The following NMNAT3 variants were observed in gnomAD, a reference collection of about 807,000 sequenced individuals.
NMNAT3 encodes the protein nicotinamide nucleotide adenylyltransferase 3.
In NMNAT3, 21 loss-of-function variants were observed where a neutral mutation model predicts 24.8. The ratio of observed to expected loss-of-function variants is 0.85; its 90% CI spans 0.60 to 1.22. The LOEUF is 1.22. NMNAT3 is among the 50% of genes most tolerant of loss of function. NMNAT3 has a pLI of 0.00. For synonymous variants in NMNAT3, 136 were observed against 155.2 expected, an observed-to-expected ratio of 0.88 and a Z score of 0.92; for missense variants, 387 against 436.6, an observed-to-expected ratio of 0.89 and a Z score of 1.01.
intron 3 of NMNAT3, among the ~76,000 whole-genome samples, chr3:139,615,077 A>C (rs1466449967): frequency 2.0e-5 from 3 of 152,130 alleles, no homozygotes; most frequent in African/African-American, 7.2e-5. Flanking sequence ...ATGAGTTATA[A>C]TCCCTTATTA....
chr3:139,670,176 G>A (rs1383954449), intron 1 of NMNAT3, among the ~76,000 whole-genome samples: 2 of 152,140 alleles, frequency 1.3e-5, no homozygotes, highest in South Asian at 2.1e-4. Flanking sequence ...AGTTTAGTAC[G>A]CTGATAATGT....
intron 1 of NMNAT3, among the ~76,000 whole-genome samples, chr3:139,663,944 C>T (rs917675647): frequency 4.6e-5 from 7 of 152,204 alleles, no homozygotes; most frequent in Non-Finnish European, 8.8e-5. Context: ...GCACACCACA[C>T]AAATCTGAAG....
At chr3:139,592,623 A>C (rs1435037764) in intron 3 of NMNAT3, among the ~76,000 whole-genome samples, 1 of 152,140 alleles carries the variant, frequency 6.6e-6, no homozygotes, top group African/African-American at 2.4e-5. Flanking sequence ...CAGATCTCTC[A>C]GCAGAAACTC....
chr3:139,597,203 T>G (rs2108204071), intron 3 of NMNAT3, among the ~76,000 whole-genome samples: 1 of 152,054 alleles, frequency 6.6e-6, no homozygotes, highest in African/African-American at 2.4e-5. Context: ...TGAGTAGGCA[T>G]TCTTTTCTAT....
intron 3 of NMNAT3, among the ~76,000 whole-genome samples, chr3:139,593,960 T>A (rs1367004543): frequency 6.8e-6 from 1 of 148,098 alleles, no homozygotes; most frequent in East Asian, 2.0e-4. Context: ...ATAACTAAAA[T>A]CAGAGCAGAA....
chr3:139,570,016 A>T (rs886929903), intron 6 of NMNAT3: 3 of 152,124 alleles, frequency 2.0e-5, no homozygotes, highest in Non-Finnish European at 4.4e-5. Flanking sequence ...ATATAGTCCC[A>T]TATTTCTTGG....
chr3:139,605,572 T>A lies in NMNAT3; in HGVS notation c.109+22044A>T, dbSNP rs1576628369. On this transcript the variant is annotated intron_variant, in intron 3 of 6. Coordinates refer to ENST00000643695, the MANE Select transcript of NMNAT3 (RefSeq NM_001320510.2). ...CTTAAGTGCCCAGAATGTGCCAGGC[T>A]CTGTGCTGTTTACAGGGTTTATATT... is the stretch of plus-strand genomic sequence containing the variant. Among the ~76,000 whole-genome samples the A allele has an allele frequency of 2.6e-5, 4 of 152,314 alleles. No homozygotes were observed. The South Asian group carries it at 8.3e-4, about 32-fold the overall frequency.
chr3:139,670,902 C>T (rs1250766435), intron 1 of NMNAT3, among the ~76,000 whole-genome samples: 1 of 152,176 alleles, frequency 6.6e-6, no homozygotes, highest in Non-Finnish European at 1.5e-5. Flanking sequence ...GAATTCAAGT[C>T]TACAGGGACA....
At chr3:139,660,134 C>T (rs1345883924) in intron 1 of NMNAT3, among the ~76,000 whole-genome samples, 1 of 152,176 alleles carries the variant, frequency 6.6e-6, no homozygotes, top group Non-Finnish European at 1.5e-5. Flanking sequence ...CTGCCTGGTC[C>T]AGCTCCTGGG....
intron 3 of NMNAT3, among the ~76,000 whole-genome samples, chr3:139,623,200 G>C (rs2055881974): frequency 6.6e-6 from 1 of 151,974 alleles, no homozygotes; most frequent in Non-Finnish European, 1.5e-5. Context: ...TATCCTGTAA[G>C]TTTTATTTTT....
At chr3:139,588,314 C>T (rs918833240) in intron 3 of NMNAT3, among the ~76,000 whole-genome samples, 1 of 152,096 alleles carries the variant, frequency 6.6e-6, no homozygotes, top group African/African-American at 2.4e-5. Context: ...CTGGGTAACA[C>T]GACGAGCACA....
intron 5 of NMNAT3, chr3:139,577,803 A>G (rs1939560955): frequency 6.6e-6 from 1 of 152,264 alleles, no homozygotes; most frequent in African/African-American, 2.4e-5. Context: ...TTCTGAAGCA[A>G]CACTGTAACT....
intron 2 of NMNAT3, among the ~76,000 whole-genome samples, chr3:139,628,025 G>T (rs2056132818): frequency 6.6e-6 from 1 of 152,132 alleles, no homozygotes; most frequent in African/African-American, 2.4e-5. Context: ...AAGCTACTGG[G>T]CCAGGACTGG....
chr3:139,587,946 C>G (rs775065014), intron 3 of NMNAT3, among the ~76,000 whole-genome samples: 1 of 152,170 alleles, frequency 6.6e-6, no homozygotes, highest in Non-Finnish European at 1.5e-5. Context: ...ATGTTGGATA[C>G]CCAGGTGTCA....
At chr3:139,646,618 G>A (rs934870553) in intron 1 of NMNAT3, among the ~76,000 whole-genome samples, 2 of 152,190 alleles carry the variant, frequency 1.3e-5, no homozygotes, top group African/African-American at 2.4e-5. Context: ...TATATTAACA[G>A]GCAATGGCCA....
intron 3 of NMNAT3, among the ~76,000 whole-genome samples, chr3:139,624,256 C>T (rs2055941725): frequency 6.6e-6 from 1 of 151,934 alleles, no homozygotes; most frequent in Admixed American, 6.6e-5. Flanking sequence ...ATTGTTTTCA[C>T]TTTCATTGAG....
chr3:139,649,348 A>AAC (rs1417428021), intron 1 of NMNAT3, among the ~76,000 whole-genome samples: 1 of 151,528 alleles, frequency 6.6e-6, no homozygotes, highest in Non-Finnish European at 1.5e-5. Context: ...CAAACAAACA[A>AAC]AAAAACTGGC....
chr3:139,620,064 T>TG (rs2055691456), intron 3 of NMNAT3, among the ~76,000 whole-genome samples: 1 of 152,222 alleles, frequency 6.6e-6, no homozygotes, highest in African/African-American at 2.4e-5. Context: ...GGTCCATATA[T>TG]GGTATTTAGT....
At chr3:139,575,981 C>G in intron 5 of NMNAT3, 1 of 1,288,662 alleles carries the variant, frequency 7.8e-7, no homozygotes, top group Non-Finnish European at 1.0e-6. Flanking sequence ...CTCTCTGAGC[C>G]TCAGTTTCTT....
Sources: allele counts gnomAD v4.1 joint callset (sites outside exome capture counted in the v4.1 genomes callset), GRCh38; gene constraint gnomAD v4.1.1; transcripts MANE v1.5; gene names NCBI Gene and HGNC (gene_info 2026-07-23, HGNC 2026-07-21).